NELL2: variants seen among roughly 807,000 people sequenced by gnomAD.
NELL2 encodes neural EGFL like 2, also known as protein kinase C-binding protein NELL2.
Under a neutral mutation model 109.6 loss-of-function variants are expected in NELL2, and 41 were observed. The observed-to-expected ratio is 0.37, with a 90% CI of 0.29 to 0.49. The LOEUF is 0.49. Among genes scored for constraint, NELL2 ranks in the 20% least tolerant of loss-of-function variants. The probability of loss-of-function intolerance (pLI) is 0.98; values close to 1 mark genes in which losing one functional copy is unlikely to be tolerated. For synonymous variants in NELL2, 355 were observed against 344.7 expected, an observed-to-expected ratio of 1.03 and a Z score of -0.33; for missense variants, 900 against 1,008.3, an observed-to-expected ratio of 0.89 and a Z score of 1.45.
chr12:44,872,400 C>T lies in NELL2; in HGVS notation c.184+2825G>A, dbSNP rs550804322. ...AAATCAAATTTCAACAACAACAAAACCATTTTAGTGATACTATAGTTGCTA... is the reference window on the plus strand; with the variant it reads ...AAATCAAATTTCAACAACAACAAAATCATTTTAGTGATACTATAGTTGCTA... On this transcript the variant is annotated intron_variant, in intron 2 of 19. Transcript: ENST00000429094. 5.9e-5 allele frequency among the ~76,000 whole-genome samples: 9 copies of T among 152,148 alleles called. No homozygotes were observed. In the South Asian group the frequency reaches 8.3e-4, roughly 14 times the overall value.
At chr12:44,855,819 T>G (rs923323849) in intron 2 of NELL2, among the ~76,000 whole-genome samples, 1 of 152,194 alleles carries the variant, frequency 6.6e-6, no homozygotes. Flanking sequence ...CACTTCATCA[T>G]AGGCTGGAGA....
chr12:44,565,451 C>A (rs988707547), intron 15 of NELL2, among the ~76,000 whole-genome samples: 1 of 152,104 alleles, frequency 6.6e-6, no homozygotes, highest in African/African-American at 2.4e-5. Flanking sequence ...AGACTGCTAT[C>A]CTTGTATTGT....
At chr12:44,739,522 G>T (rs1476290299) in intron 9 of NELL2, among the ~76,000 whole-genome samples, 1 of 152,040 alleles carries the variant, frequency 6.6e-6, no homozygotes, top group Non-Finnish European at 1.5e-5. Context: ...ATCTTAAAAT[G>T]GTTGGAAAAA....
intron 1 of NELL2, among the ~76,000 whole-genome samples, chr12:44,894,664 A>T (rs1945573673): frequency 6.6e-6 from 1 of 152,230 alleles, no homozygotes; most frequent in Admixed American, 6.5e-5. Context: ...CAATGTCAAC[A>T]TCATAAATTA....
rs532989703 is a variant in NELL2 at position 44,608,792 on chromosome 12, AGGACTTAGTTATATTGTAGTCTCCGCTC to A, written c.1568-1556_1568-1529del. 1.5e-4 allele frequency among the ~76,000 whole-genome samples: 23 copies of A among 151,832 alleles called. No homozygotes were observed. In the South Asian group the frequency reaches 3.9e-3, roughly 26 times the overall value. ...TTCAGGTGATTTGGGGGAAGTCCTA[AGGACTTAGTTATATTGTAGTCTCCGCTC>A]ATGCATTGGAAATGCATTTCAAGAT... On this transcript the variant is annotated intron_variant, in intron 14 of 19. Transcript: ENST00000429094.
At chr12:44,609,224 A>C (rs34192455) in intron 14 of NELL2, among the ~76,000 whole-genome samples, 15,720 of 152,008 alleles carry the variant, frequency 0.1, 965 homozygotes, top group East Asian at 0.2. Flanking sequence ...TGCTAGGATT[A>C]CAGGTGTGAG....
chr12:44,913,501 T>A (rs1161476035), intron 1 of NELL2, among the ~76,000 whole-genome samples: 1 of 152,112 alleles, frequency 6.6e-6, no homozygotes, highest in Admixed American at 6.5e-5. Context: ...CAAAGATAAA[T>A]ATAATATAGG....
chr12:44,803,940 TTAAG>T (rs1256161094), intron 3 of NELL2, among the ~76,000 whole-genome samples: 3 of 152,080 alleles, frequency 2.0e-5, no homozygotes, highest in Admixed American at 2.0e-4. Flanking sequence ...TGTGCATAGT[TTAAG>T]TGTGTAGTTA....
At chr12:44,911,342 A>G (rs1032651673) in intron 1 of NELL2, among the ~76,000 whole-genome samples, 3 of 152,030 alleles carry the variant, frequency 2.0e-5, no homozygotes, top group Non-Finnish European at 4.4e-5. Flanking sequence ...TTTCAAGAAG[A>G]CTATTAAAAA....
At chr12:44,591,131 G>A (rs1463504971) in intron 15 of NELL2, among the ~76,000 whole-genome samples, 1 of 152,122 alleles carries the variant, frequency 6.6e-6, no homozygotes, top group East Asian at 1.9e-4. Flanking sequence ...AATAACAAAT[G>A]CTGGCAAGGA....
intron 11 of NELL2, among the ~76,000 whole-genome samples, chr12:44,707,093 G>GA (rs1249301404): frequency 1.3e-5 from 2 of 151,948 alleles, no homozygotes; most frequent in Non-Finnish European, 2.9e-5. Context: ...TGTTTTTGTG[G>GA]AAAAAAAGAA....
At chr12:44,653,350 A>G (rs1947368702) in intron 13 of NELL2, among the ~76,000 whole-genome samples, 1 of 152,206 alleles carries the variant, frequency 6.6e-6, no homozygotes, top group Non-Finnish European at 1.5e-5. Flanking sequence ...AGTGGATAGT[A>G]GAAGAAGAAT....
At chr12:44,642,021 A>G (rs1946876997) in intron 13 of NELL2, among the ~76,000 whole-genome samples, 1 of 152,022 alleles carries the variant, frequency 6.6e-6, no homozygotes, top group Non-Finnish European at 1.5e-5. Context: ...TTGGAGTCAC[A>G]ATTTTCTCCT....
intron 15 of NELL2, among the ~76,000 whole-genome samples, chr12:44,575,097 A>G (rs1016126432): frequency 4.0e-4 from 61 of 152,284 alleles, no homozygotes; most frequent in East Asian, 3.9e-4. Context: ...CATGGGCAGG[A>G]ATTCTCATCT....
intron 12 of NELL2, among the ~76,000 whole-genome samples, chr12:44,700,765 T>C (rs1377021207): frequency 1.3e-5 from 2 of 152,146 alleles, no homozygotes; most frequent in Non-Finnish European, 2.9e-5. Flanking sequence ...TGAAATGGCA[T>C]GTTAATTATC....
Position 44,520,108 on chromosome 12 carries a change from C to T in NELL2, c.2297G>A (p.Arg766His), listed in dbSNP as rs779433988. Residue 766 changes from arginine (R) to histidine (H), a missense_variant, in exon 19 of 20, where the codon CGC (arginine) becomes CAC (histidine). Transcript: ENST00000429094. ...VTDPCQADTI[R>H]NDITKTCLDE... ...CAGGCAAGTCTTGGTGATGTCATTG[C>T]GGATGGTGTCAGCCTGGCAAGGGTC... The T allele has an allele frequency of 3.7e-5, 59 of 1,613,986 alleles. No homozygotes were observed. Among genetic ancestry groups the T allele is most frequent in the Middle Eastern group, 1.6e-4 (1 of 6,082 alleles).
chr12:44,508,878 G>T lies in NELL2; in HGVS notation c.*56C>A. 2.1e-6 allele frequency: 3 copies of T among 1,460,922 alleles called. No individual in the cohort carries two copies. Among genetic ancestry groups the T allele is most frequent in the Non-Finnish European group, 1.9e-6 (2 of 1,056,224 alleles). The allele number at this position is 1,460,922 out of a possible 1,614,324, so 90.5% of individuals were successfully genotyped here. On this transcript the variant is annotated 3_prime_UTR_variant, in exon 20 of 20. Transcript: ENST00000429094. ...CCAATTTAAGTTTTAACTTCTTTTT[G>T]GTCTTTTAATGAAAGAACATTCTTT...
intron 1 of NELL2, among the ~76,000 whole-genome samples, chr12:44,882,836 T>C (rs1270057402): frequency 4.5e-5 from 2 of 44,292 alleles, no homozygotes; most frequent in African/African-American, 2.2e-4. Context: ...CTATATACCT[T>C]TTTTTTTTTT....
intron 15 of NELL2, among the ~76,000 whole-genome samples, chr12:44,552,299 A>T (rs1943070244): frequency 6.6e-6 from 1 of 152,160 alleles, no homozygotes. Context: ...TACGGAGGAG[A>T]TGAATAACAT....
Sources: gnomAD v4.1 joint callset for allele counts (sites outside exome capture counted in the v4.1 genomes callset) on GRCh38, gnomAD v4.1.1 for gene constraint, MANE v1.5 for transcripts, NCBI Gene and HGNC (gene_info 2026-07-23, HGNC 2026-07-21) for gene names.